SORCS1: variants seen among roughly 807,000 people sequenced by gnomAD.
The protein encoded by SORCS1 is sortilin related VPS10 domain containing receptor 1.
In SORCS1, 60 loss-of-function variants were observed where a neutral mutation model predicts 146.1. That is an observed-to-expected ratio of 0.41 (90% CI 0.33 to 0.51). SORCS1 has a LOEUF of 0.51. Among genes scored for constraint, SORCS1 ranks in the 20% least tolerant of loss-of-function variants. The probability of loss-of-function intolerance (pLI) is 0.21; values close to 1 mark genes in which losing one functional copy is unlikely to be tolerated. For missense variants in SORCS1, 1,352 were observed against 1,487.6 expected (o/e 0.91, Z 1.50); for synonymous variants, 637 against 584.0 (o/e 1.09, Z -1.31).
intron 2 of SORCS1, among the ~76,000 whole-genome samples, chr10:106,918,071 G>A (rs1229026905): frequency 6.6e-6 from 1 of 152,050 alleles, no homozygotes; most frequent in Non-Finnish European, 1.5e-5. Flanking sequence ...AAATCTTCCT[G>A]TCCAGGACAT....
intron 1 of SORCS1, among the ~76,000 whole-genome samples, chr10:106,972,827 G>C (rs1955846462): frequency 6.6e-6 from 1 of 152,192 alleles, no homozygotes; most frequent in African/African-American, 2.4e-5. Context: ...TTCACACACA[G>C]TATGTCATTT....
intron 1 of SORCS1, among the ~76,000 whole-genome samples, chr10:107,075,397 C>T (rs1273987668): frequency 1.3e-5 from 2 of 152,104 alleles, no homozygotes; most frequent in East Asian, 1.9e-4. Flanking sequence ...AGTTTAAGTG[C>T]CTTCTGAATC....
intron 1 of SORCS1, among the ~76,000 whole-genome samples, chr10:107,090,066 T>C (rs1665252077): frequency 6.6e-6 from 1 of 152,130 alleles, no homozygotes; most frequent in African/African-American, 2.4e-5. Context: ...CATTATAGAA[T>C]GAAAGAAGGT....
intron 4 of SORCS1, among the ~76,000 whole-genome samples, chr10:106,771,230 T>A (rs555618570): frequency 2.0e-4 from 30 of 150,800 alleles, no homozygotes; most frequent in African/African-American, 2.7e-4. Context: ...TTTTTTTTTT[T>A]AAATTTCCTT....
intron 2 of SORCS1, among the ~76,000 whole-genome samples, chr10:106,867,510 C>T (rs1185198720): frequency 6.6e-6 from 1 of 152,090 alleles, no homozygotes; most frequent in Non-Finnish European, 1.5e-5. Flanking sequence ...GTCTCAATCT[C>T]CTGACCTCGT....
chr10:106,940,085 C>T (rs1351482310), intron 2 of SORCS1, among the ~76,000 whole-genome samples: 1 of 152,210 alleles, frequency 6.6e-6, no homozygotes, highest in African/African-American at 2.4e-5. Context: ...AGATAAGCTT[C>T]CAGCACTCAC....
chr10:106,595,856 C>T (rs1845875537), intron 24 of SORCS1, among the ~76,000 whole-genome samples: 1 of 152,218 alleles, frequency 6.6e-6, no homozygotes, highest in Non-Finnish European at 1.5e-5. Context: ...AAACCACCTA[C>T]TCCATGAAAC....
Position 106,888,471 on chromosome 10 carries a change from T to C in SORCS1, c.627-58798A>G, listed in dbSNP as rs925543865. 3.0e-4 allele frequency among the ~76,000 whole-genome samples: 41 copies of C among 136,728 alleles called. 1 individual carries two copies. Among genetic ancestry groups the C allele is most frequent in the Non-Finnish European group, 2.1e-4 (12 of 57,592 alleles). 89.7% of individuals were successfully genotyped at this position (136,728 alleles called of 152,430 possible). A position where few individuals can be genotyped will look rare whatever the true frequency, so the allele number is the denominator to read the frequency against. Reference sequence around the variant, plus strand: ...GGCCCTATTTACCATAAAAGTAGGGTCAGTATTTAGCTAAGTACCTGGAAA... The same window carrying C: ...GGCCCTATTTACCATAAAAGTAGGGCCAGTATTTAGCTAAGTACCTGGAAA... On this transcript the variant is annotated intron_variant, in intron 2 of 25. Coordinates refer to ENST00000263054, the MANE Select transcript of SORCS1 (RefSeq NM_052918.5).
chr10:107,062,990 T>C (rs1466155902), intron 1 of SORCS1, among the ~76,000 whole-genome samples: 1 of 152,182 alleles, frequency 6.6e-6, no homozygotes, highest in Non-Finnish European at 1.5e-5. Context: ...CCAGAGGAAG[T>C]AGATGACCTT....
intron 1 of SORCS1, among the ~76,000 whole-genome samples, chr10:107,058,027 CT>C (rs1283869735): frequency 6.6e-6 from 1 of 151,952 alleles, no homozygotes; most frequent in African/African-American, 2.4e-5. Context: ...CTAAAATCAA[CT>C]TTTAAAAAAA....
the SORCS1 span, among the ~76,000 whole-genome samples, chr10:107,174,677 A>G: frequency 6.6e-6 from 1 of 152,094 alleles, no homozygotes; most frequent in Non-Finnish European, 1.5e-5. Flanking sequence ...TAATTTTAAT[A>G]ATTTTTAGGG....
intron 6 of SORCS1, among the ~76,000 whole-genome samples, chr10:106,713,061 C>T (rs1855109556): frequency 6.6e-6 from 1 of 152,146 alleles, no homozygotes; most frequent in South Asian, 2.1e-4. Flanking sequence ...TCAGGAGATA[C>T]AGCAGAAGAT....
At chr10:106,693,774 C>T (rs183834062) in intron 9 of SORCS1, among the ~76,000 whole-genome samples, 83 of 152,116 alleles carry the variant, frequency 5.5e-4, no homozygotes, top group Non-Finnish European at 1.1e-3. Flanking sequence ...ATCTCTAGTA[C>T]TTCTTATGCT....
intron 2 of SORCS1, among the ~76,000 whole-genome samples, chr10:106,841,569 G>T (rs960797890): frequency 6.6e-6 from 1 of 152,086 alleles, no homozygotes; most frequent in African/African-American, 2.4e-5. Context: ...ACTTTTATAT[G>T]CACTGAGAAA....
chr10:106,721,696 A>G (rs1855791054), intron 6 of SORCS1, among the ~76,000 whole-genome samples: 1 of 152,230 alleles, frequency 6.6e-6, no homozygotes, highest in East Asian at 1.9e-4. Flanking sequence ...GTTTACAAAA[A>G]TTTGAAATGT....
chr10:106,879,147 C>CAA (rs34140161), intron 2 of SORCS1, among the ~76,000 whole-genome samples: 51,279 of 135,500 alleles, frequency 0.38, 9,658 homozygotes, highest in Non-Finnish European at 0.44. Flanking sequence ...GAGACTCCAT[C>CAA]AAAAAAAAAA....
chr10:107,018,480 C>T (rs555442100), intron 1 of SORCS1, among the ~76,000 whole-genome samples: 1 of 152,182 alleles, frequency 6.6e-6, no homozygotes, highest in South Asian at 2.1e-4. Flanking sequence ...GCCACCATGC[C>T]CAGCCAACTC....
chr10:106,827,601 G>GTAAAAATCGA (rs1948357695), intron 3 of SORCS1, among the ~76,000 whole-genome samples: 1 of 152,104 alleles, frequency 6.6e-6, no homozygotes, highest in Non-Finnish European at 1.5e-5. Context: ...AAGAGAGATT[G>GTAAAAATCGA]TAAAAATCGA....
At chr10:106,911,954 A>G (rs1351727766) in intron 2 of SORCS1, among the ~76,000 whole-genome samples, 1 of 152,062 alleles carries the variant, frequency 6.6e-6, no homozygotes, top group Non-Finnish European at 1.5e-5. Flanking sequence ...CTACTAAAAA[A>G]TACAAAAAAT....
Sources: allele counts gnomAD v4.1 joint callset (sites outside exome capture counted in the v4.1 genomes callset), GRCh38; gene constraint gnomAD v4.1.1; transcripts MANE v1.5; gene names NCBI Gene and HGNC (gene_info 2026-07-23, HGNC 2026-07-21).